GRIK2: variants seen among roughly 807,000 people sequenced by gnomAD.
GRIK2 encodes the protein glutamate receptor ionotropic, kainate 2.
Under a neutral mutation model 100.3 loss-of-function variants are expected in GRIK2, and 32 were observed. That is an observed-to-expected ratio of 0.32 (90% CI 0.24 to 0.43). GRIK2 has a LOEUF of 0.43. GRIK2 is among the 20% of genes least tolerant of loss of function. The pLI, the probability that GRIK2 is intolerant of heterozygous loss-of-function variation, is 1.00. For synonymous variants in GRIK2, 417 were observed against 389.4 expected (o/e 1.07, Z -0.83); for missense variants, 843 against 1,114.9 (o/e 0.76, Z 3.47).
At chr6:101,782,857 CTTT>C (rs1158965622) in intron 7 of GRIK2, among the ~76,000 whole-genome samples, 3 of 130,810 alleles carry the variant, frequency 2.3e-5, no homozygotes, top group Admixed American at 1.5e-4. Context: ...ACTCAAATCT[CTTT>C]TTTTTTTTTT....
chr6:101,841,661 G>C (rs951591907), intron 10 of GRIK2, among the ~76,000 whole-genome samples: 8 of 152,112 alleles, frequency 5.3e-5, no homozygotes, highest in African/African-American at 1.9e-4. Flanking sequence ...ACCCCGCCCA[G>C]CCTGCAGAAA....
chr6:101,852,464 G>A (rs1363736823), intron 10 of GRIK2, among the ~76,000 whole-genome samples: 1 of 152,018 alleles, frequency 6.6e-6, no homozygotes, highest in Non-Finnish European at 1.5e-5. Context: ...TCAAGTTCAG[G>A]TTTCCCTGGC....
chr6:101,781,364 G>A (rs1396932814), intron 7 of GRIK2, among the ~76,000 whole-genome samples: 1 of 152,150 alleles, frequency 6.6e-6, no homozygotes, highest in Non-Finnish European at 1.5e-5. Context: ...TAAATTATTT[G>A]TTTTACCTCA....
chr6:101,463,835 T>TAA (rs35385445), intron 2 of GRIK2, among the ~76,000 whole-genome samples: 101 of 147,196 alleles, frequency 6.9e-4, no homozygotes, highest in African/African-American at 2.1e-3. Flanking sequence ...TATTGGTAAT[T>TAA]AAAAAAAAAA....
Position 101,726,185 on chromosome 6 carries a change from G to T in GRIK2, c.951+39832G>T, listed in dbSNP as rs116509700. ...GAATAATCTTCCTATGTTGGATAAC[G>T]CTTTATGCAAACAGTGTCCAGAGAA... On this transcript the variant is annotated intron_variant, in intron 7 of 16. Coordinates refer to ENST00000369134, the MANE Select transcript of GRIK2 (RefSeq NM_021956.5). Among the ~76,000 whole-genome samples, 1,023 of 151,952 alleles carry T rather than the reference G, an allele frequency of 6.7e-3. 6 individuals carry two copies. Among genetic ancestry groups the T allele is most frequent in the African/African-American group, 0.022 (930 of 41,518 alleles).
At chr6:101,639,267 C>T (rs1463471278) in intron 4 of GRIK2, among the ~76,000 whole-genome samples, 1 of 152,086 alleles carries the variant, frequency 6.6e-6, no homozygotes, top group Non-Finnish European at 1.5e-5. Flanking sequence ...CTCCTGATAT[C>T]AAGTGATCTG....
At chr6:101,776,976 G>A (rs1043978978) in intron 7 of GRIK2, among the ~76,000 whole-genome samples, 7 of 152,144 alleles carry the variant, frequency 4.6e-5, no homozygotes, top group South Asian at 4.1e-4. Flanking sequence ...AGAGATTACC[G>A]CTCTTCTGGT....
At chr6:101,496,825 A>G (rs1187355916) in intron 2 of GRIK2, among the ~76,000 whole-genome samples, 2 of 152,116 alleles carry the variant, frequency 1.3e-5, no homozygotes, top group Non-Finnish European at 1.5e-5. Context: ...AACTCACTCA[A>G]TTTTGCTGAA....
chr6:102,044,017 C>G (rs913161637), intron 15 of GRIK2, among the ~76,000 whole-genome samples: 16 of 151,998 alleles, frequency 1.1e-4, no homozygotes, highest in Non-Finnish European at 2.9e-5. Context: ...TTTTTCTTCA[C>G]AGTCTCAGGT....
chr6:101,528,019 TCC>T (rs59218589), intron 2 of GRIK2, among the ~76,000 whole-genome samples: 7,879 of 152,178 alleles, frequency 0.052, 271 homozygotes, highest in Non-Finnish European at 0.067. Context: ...TGGGTTCATA[TCC>T]CAGCTTTACC....
chr6:101,928,169 A>C, intron 13 of GRIK2: 3 of 474,082 alleles, frequency 6.3e-6, no homozygotes, highest in Non-Finnish European at 1.1e-5. Flanking sequence ...GGAACTTTGC[A>C]TCATCTCAGG....
At chr6:101,658,864 G>A (rs1341442155) in intron 4 of GRIK2, among the ~76,000 whole-genome samples, 1 of 151,966 alleles carries the variant, frequency 6.6e-6, no homozygotes, top group Non-Finnish European at 1.5e-5. Context: ...CCCATTTTTT[G>A]ATGAGGTTGT....
At chr6:101,675,518 G>A (rs1770770046) in intron 4 of GRIK2, among the ~76,000 whole-genome samples, 1 of 152,028 alleles carries the variant, frequency 6.6e-6, no homozygotes, top group African/African-American at 2.4e-5. Context: ...TGCTTCATTT[G>A]ATCCAAGCTG....
chr6:101,686,331 G>A lies in GRIK2; in HGVS notation c.929G>A (p.Gly310Asp), dbSNP rs1314174085. The A allele has an allele frequency of 1.2e-6, 2 of 1,613,300 alleles. No homozygotes were observed. Among genetic ancestry groups the A allele is most frequent in the Non-Finnish European group, 8.5e-7 (1 of 1,179,430 alleles). The change falls in exon 7 of 17, where the codon GGT becomes GAT. Residue 310 changes from glycine to aspartate, a missense_variant. Physicochemically the swap from Gly to Asp is moderately conservative, Grantham distance 94. This residue lies in a region of GRIK2 where 519 missense variants were observed against 643.8 expected (regional missense o/e 0.81). Coordinates refer to ENST00000369134, the MANE Select transcript of GRIK2 (RefSeq NM_021956.5). ...RLQAPPKPDS[G>D]LLDGFMTTDA... The stretch of plus-strand genomic sequence containing the variant: ...CAGGCACCTCCGAAACCCGATTCAG[G>A]TTTGCTGGATGGATTTATGACGGTA...
chr6:101,960,912 C>T (rs1255848992), intron 14 of GRIK2, among the ~76,000 whole-genome samples: 1 of 152,174 alleles, frequency 6.6e-6, no homozygotes, highest in South Asian at 2.1e-4. Flanking sequence ...GTGGGCTGGT[C>T]TGTCAAATGA....
At chr6:101,750,565 T>C (rs1776722402) in intron 7 of GRIK2, among the ~76,000 whole-genome samples, 1 of 152,248 alleles carries the variant, frequency 6.6e-6, no homozygotes, top group Non-Finnish European at 1.5e-5. Flanking sequence ...CAAAGCAGCA[T>C]GCCTATTGCA....
intron 7 of GRIK2, among the ~76,000 whole-genome samples, chr6:101,770,470 C>CA (rs140868155): frequency 0.027 from 4,048 of 152,132 alleles, 122 homozygotes; most frequent in African/African-American, 0.071. Context: ...CGATTCAGTG[C>CA]AAAAAAATTG....
In GRIK2 at chr6:102,007,683, T is replaced by A. The variant is rs140742379; in HGVS notation, c.2086-27658T>A. Among the ~76,000 whole-genome samples the A allele has an allele frequency of 2.2e-3, 337 of 152,168 alleles. 3 individuals are homozygous for A. The highest frequency in any genetic ancestry group is 7.6e-3 in the African/African-American group (316 of 41,542). On this transcript the variant is annotated intron_variant, in intron 14 of 16. Transcript: ENST00000369134. ...AAATTTTCATATTAGATGATAGTGG[T>A]GGAGGAAAGTAAAAAAGGGTAATGC...
intron 11 of GRIK2, among the ~76,000 whole-genome samples, chr6:101,864,714 A>G (rs1784942805): frequency 6.6e-6 from 1 of 152,170 alleles, no homozygotes; most frequent in Admixed American, 6.5e-5. Flanking sequence ...GAATGTTGCT[A>G]TATTTTGTCT....
Sources: gnomAD v4.1 joint callset for allele counts (sites outside exome capture counted in the v4.1 genomes callset) on GRCh38, gnomAD v4.1.1 for gene constraint, gnomAD v4.1.1 regional missense constraint, MANE v1.5 for transcripts, NCBI Gene and HGNC (gene_info 2026-07-23, HGNC 2026-07-21) for gene names.